GLRA2: variants seen among roughly 807,000 people sequenced by gnomAD.
GLRA2 encodes glycine receptor subunit alpha-2.
GLRA2 carries 11 observed loss-of-function variants against 31.6 expected under a neutral mutation model. The ratio of observed to expected loss-of-function variants is 0.35; its 90% CI spans 0.22 to 0.58. The LOEUF is 0.58. GLRA2 is among the 20% of genes least tolerant of loss of function. The pLI, the probability that GLRA2 is intolerant of heterozygous loss-of-function variation, is 0.84. For missense variants in GLRA2, 212 were observed against 351.8 expected, an observed-to-expected ratio of 0.60 and a Z score of 3.18; for synonymous variants, 132 against 134.0, an observed-to-expected ratio of 0.99 and a Z score of 0.10.
At chrX:14,579,581 C>A (rs1170210031) in intron 3 of GLRA2, among the ~76,000 whole-genome samples, 1 of 111,883 alleles carries the variant, frequency 8.9e-6, no homozygotes, top group Non-Finnish European at 1.9e-5. Context: ...GCACCCACTT[C>A]AGCCTCCCAA....
chrX:14,676,334 TAAAG>T (rs768679546), intron 7 of GLRA2, among the ~76,000 whole-genome samples: 66 of 112,755 alleles, frequency 5.9e-4, no homozygotes, highest in Admixed American at 3.5e-3. Context: ...TCATTCCACT[TAAAG>T]AAGGAATATC....
chrX:14,457,910 C>T, the GLRA2 span, among the ~76,000 whole-genome samples: 217 of 110,136 alleles, frequency 2.0e-3, 1 homozygote, highest in Non-Finnish European at 3.6e-3. Context: ...TTTTAGGGTA[C>T]ATGTGCACAG....
intron 2 of GLRA2, among the ~76,000 whole-genome samples, chrX:14,566,441 T>A (rs1013225674): frequency 8.9e-6 from 1 of 112,251 alleles, no homozygotes; most frequent in African/African-American, 3.2e-5. Flanking sequence ...TAACTCATTC[T>A]ATGAGTCCAG....
chrX:14,618,197 G>A lies in GLRA2; in HGVS notation c.930+8992G>A, dbSNP rs183239498. Reference sequence around the variant, plus strand: ...TCCTCATAGCTTTCCATAAGAAGAAGCCTCAATTAGGCAATTGTTATGTGC... The same window carrying A: ...TCCTCATAGCTTTCCATAAGAAGAAACCTCAATTAGGCAATTGTTATGTGC... On this transcript the variant is annotated intron_variant, in intron 7 of 8. Transcript: ENST00000218075. Among the ~76,000 whole-genome samples, 230 of 111,922 alleles carry A rather than the reference G, an allele frequency of 2.1e-3. 1 individual carries two copies. Among genetic ancestry groups the A allele is most frequent in the African/African-American group, 7.1e-3 (220 of 30,919 alleles).
At chrX:14,691,324 T>TGTGTGC (rs1224170856) in intron 8 of GLRA2, among the ~76,000 whole-genome samples, 10 of 64,345 alleles carry the variant, frequency 1.6e-4, no homozygotes, top group South Asian at 7.3e-4. Context: ...TGTGTGTGTG[T>TGTGTGC]GCGCGCGTGC....
the GLRA2 span, among the ~76,000 whole-genome samples, chrX:14,450,224 T>C: frequency 8.9e-6 from 1 of 112,232 alleles, no homozygotes; most frequent in African/African-American, 3.2e-5. Context: ...CCTCCACCCT[T>C]GGCCCAGTGC....
chrX:14,458,163 T>C, the GLRA2 span, among the ~76,000 whole-genome samples: 1 of 110,723 alleles, frequency 9.0e-6, no homozygotes, highest in African/African-American at 3.3e-5. Flanking sequence ...AGAATGATGG[T>C]TTCCAGCTTC....
rs3027317 is a variant in GLRA2, at chrX:14,533,427, A to G, written c.202+1055A>G. Among the ~76,000 whole-genome samples the G allele has an allele frequency of 5.9e-3, 643 of 109,867 alleles. 10 individuals carry two copies. The highest frequency in any genetic ancestry group is 0.02 in the African/African-American group (614 of 30,407). On this transcript the variant is annotated intron_variant, in intron 2 of 8. Transcript: ENST00000218075. Reference sequence around the variant, plus strand: ...TCTGAATATACCCAGGTATGGGCATATTTTATAAAGAAATATGTCAGAATT... The same window carrying G: ...TCTGAATATACCCAGGTATGGGCATGTTTTATAAAGAAATATGTCAGAATT...
intron 7 of GLRA2, among the ~76,000 whole-genome samples, chrX:14,614,637 G>A (rs951746875): frequency 8.9e-6 from 1 of 111,973 alleles, no homozygotes; most frequent in African/African-American, 3.2e-5. Context: ...GGGTATTCCA[G>A]CTAACCTACT....
In GLRA2 at chrX:14,727,926, C is replaced by A. The variant is rs185313252; in HGVS notation, c.1081-2281C>A. Among the ~76,000 whole-genome samples, 34 of 111,926 alleles carry A rather than the reference C, an allele frequency of 3.0e-4. No individual in the cohort carries two copies. In the East Asian group the frequency reaches 5.9e-3, roughly 19 times the overall value. ...TTGTCTCCCAGCACCTAGTACAATG[C>A]TTGTCACAGAGGCAACACTCAACAA... On this transcript the variant is annotated intron_variant, in intron 8 of 8. Transcript: ENST00000218075.
intron 4 of GLRA2, among the ~76,000 whole-genome samples, chrX:14,585,985 T>G (rs1181839143): frequency 1.8e-5 from 2 of 112,235 alleles, no homozygotes; most frequent in Non-Finnish European, 3.8e-5. Flanking sequence ...TGGGAAAAAT[T>G]CCATGCTTTT....
At chrX:14,702,900 G>A (rs1385063043) in intron 8 of GLRA2, among the ~76,000 whole-genome samples, 1 of 111,552 alleles carries the variant, frequency 9.0e-6, no homozygotes, top group Admixed American at 9.5e-5. Context: ...ATACAGAGAG[G>A]AGAGGACAAG....
the GLRA2 span, among the ~76,000 whole-genome samples, chrX:14,452,691 GA>G: frequency 9.6e-6 from 1 of 104,231 alleles, no homozygotes; most frequent in Non-Finnish European, 2.0e-5. Flanking sequence ...TTAATAGACT[GA>G]GAAGTGGGGG....
intron 2 of GLRA2, among the ~76,000 whole-genome samples, chrX:14,549,844 G>A (rs1455593984): frequency 9.0e-6 from 1 of 111,469 alleles, no homozygotes; most frequent in Non-Finnish European, 1.9e-5. Context: ...AGATGAATAA[G>A]AATAGGATTT....
At chrX:14,537,881 G>C (rs182094847) in intron 2 of GLRA2, among the ~76,000 whole-genome samples, 13 of 109,097 alleles carry the variant, frequency 1.2e-4, no homozygotes, top group East Asian at 5.9e-4. Context: ...GTTTCATTCA[G>C]AGACAATATT....
chrX:14,656,173 T>TA (rs758711318), intron 7 of GLRA2, among the ~76,000 whole-genome samples: 1 of 112,091 alleles, frequency 8.9e-6, no homozygotes, highest in South Asian at 3.7e-4. Context: ...GGAGAACTTC[T>TA]AAAAAAATAT....
At chrX:14,567,500 C>T (rs1198597313) in intron 2 of GLRA2, among the ~76,000 whole-genome samples, 1 of 111,777 alleles carries the variant, frequency 8.9e-6, no homozygotes, top group Admixed American at 9.5e-5. Flanking sequence ...CAACATGATC[C>T]AACTATAGGC....
chrX:14,715,724 T>A (rs765673042), intron 8 of GLRA2, among the ~76,000 whole-genome samples: 1 of 111,270 alleles, frequency 9.0e-6, no homozygotes, highest in Non-Finnish European at 1.9e-5. Flanking sequence ...GGGAAGCAGT[T>A]TATAGTCAAA....
intron 3 of GLRA2, among the ~76,000 whole-genome samples, chrX:14,576,739 C>A (rs2089963274): frequency 8.9e-6 from 1 of 112,246 alleles, no homozygotes; most frequent in African/African-American, 3.2e-5. Flanking sequence ...AAATGGGCTG[C>A]TCAGGTACTT....
Sources: gnomAD v4.1 joint callset for allele counts (sites outside exome capture counted in the v4.1 genomes callset) on GRCh38, gnomAD v4.1.1 for gene constraint, MANE v1.5 for transcripts, NCBI Gene and HGNC (gene_info 2026-07-23, HGNC 2026-07-21) for gene names.